Variants in BNC1 observed in about 807,000 individuals in gnomAD.
BNC1 encodes the protein zinc finger protein basonuclin-1.
Under a neutral mutation model 66.5 loss-of-function variants are expected in BNC1, and 8 were observed. That is an observed-to-expected ratio of 0.12 (90% CI 0.07 to 0.22). BNC1 has a LOEUF of 0.22. Ranked by LOEUF, BNC1 falls within the 10% of genes least tolerant of loss-of-function variation. The pLI is 1.00. For missense variants in BNC1, 1,069 were observed against 1,241.3 expected (o/e 0.86, Z 2.09); for synonymous variants, 454 against 452.6 (o/e 1.00, Z -0.04).
intron 1 of BNC1, among the ~76,000 whole-genome samples, chr15:83,279,766 C>A (rs892688925): frequency 1.3e-5 from 2 of 152,124 alleles, no homozygotes; most frequent in African/African-American, 4.8e-5. Flanking sequence ...GCCTCAGAAA[C>A]CAGGTAGTCA....
chr15:83,261,263 A>G (rs1316444772), intron 4 of BNC1, among the ~76,000 whole-genome samples: 2 of 152,234 alleles, frequency 1.3e-5, no homozygotes, highest in Non-Finnish European at 2.9e-5. Flanking sequence ...ACATCCTATC[A>G]GTAGAAACAC....
At chr15:83,273,331 A>G (rs2038286969) in intron 1 of BNC1, among the ~76,000 whole-genome samples, 1 of 152,246 alleles carries the variant, frequency 6.6e-6, no homozygotes, top group African/African-American at 2.4e-5. Flanking sequence ...AGATAAATGA[A>G]AACTTCTAAA....
chr15:83,277,885 T>C (rs1382975673), intron 1 of BNC1, among the ~76,000 whole-genome samples: 1 of 152,214 alleles, frequency 6.6e-6, no homozygotes, highest in Non-Finnish European at 1.5e-5. Flanking sequence ...TTGGAGCTAC[T>C]TTGCCTCTGC....
chr15:83,271,284 T>C (rs72758348), intron 1 of BNC1, among the ~76,000 whole-genome samples: 10,810 of 152,208 alleles, frequency 0.071, 528 homozygotes, highest in Admixed American at 0.13. Context: ...CCTGCTTAAA[T>C]ACAGGTTAAA....
At chr15:83,262,382 T>C (rs1325813243) in intron 4 of BNC1, among the ~76,000 whole-genome samples, 1 of 152,182 alleles carries the variant, frequency 6.6e-6, no homozygotes, top group African/African-American at 2.4e-5. Context: ...CACACCCTTG[T>C]GGCCGGATGT....
intron 1 of BNC1, among the ~76,000 whole-genome samples, chr15:83,271,332 G>A (rs2038267602): frequency 6.6e-6 from 1 of 152,152 alleles, no homozygotes; most frequent in African/African-American, 2.4e-5. Context: ...ATTTATTTTG[G>A]ACTAGAATGG....
chr15:83,272,088 A>G (rs2151438234), intron 1 of BNC1, among the ~76,000 whole-genome samples: 1 of 152,364 alleles, frequency 6.6e-6, no homozygotes, highest in East Asian at 1.9e-4. Flanking sequence ...TACATTCTCA[A>G]TAGCACCAGT....
At chr15:83,284,498 AT>A (rs1267566078) in intron 1 of BNC1, 31 bp downstream of exon 1, 2 of 1,187,048 alleles carry the variant, frequency 1.7e-6, no homozygotes, top group African/African-American at 3.3e-5. Context: ...CGCACAGAGA[AT>A]CCCCGCGCCC....
intron 1 of BNC1, among the ~76,000 whole-genome samples, chr15:83,269,432 T>TGC (rs1314145723): frequency 6.6e-6 from 1 of 151,614 alleles, no homozygotes; most frequent in African/African-American, 2.4e-5. Flanking sequence ...GAAGTGCGTG[T>TGC]GTGTGTGTGT....
At chr15:83,268,322 G>A (rs886576381) in intron 1 of BNC1, 90 bp from the exon 2 acceptor site, 10 of 1,212,618 alleles carry the variant, frequency 8.2e-6, no homozygotes, top group Admixed American at 1.9e-5. Flanking sequence ...TCCTCCATTC[G>A]GCAGCACTTA....
rs1201791710 is a variant in BNC1, at chr15:83,257,515, C to T, written c.2912G>A (p.Arg971His). The T allele has an allele frequency of 1.9e-6, 3 of 1,614,098 alleles. No individual in the cohort carries two copies. The highest frequency in any genetic ancestry group is 2.2e-5 in the East Asian group (1 of 44,876). ...PGCNTMFSSV[R>H]SRNRHSQNPN... ...ATTCTGGCTGTGTCTGTTTCGACTGCGAACAGACGAAAACATGGTGTTGCA... is the reference window on the plus strand; with the variant it reads ...ATTCTGGCTGTGTCTGTTTCGACTGTGAACAGACGAAAACATGGTGTTGCA... The change falls in exon 5 of 5, where the codon CGC becomes CAC. Residue 971 changes from arginine to histidine, a missense_variant. This residue lies in a region of BNC1 where 657 missense variants were observed against 715.8 expected (regional missense o/e 0.92). Coordinates refer to ENST00000345382, the MANE Select transcript of BNC1 (RefSeq NM_001717.4).
intron 1 of BNC1, among the ~76,000 whole-genome samples, chr15:83,269,970 G>A (rs1036181101): frequency 1.3e-5 from 2 of 152,186 alleles, no homozygotes; most frequent in African/African-American, 4.8e-5. Context: ...GAGAAGCCAG[G>A]CACAAAAGTC....
intron 1 of BNC1, among the ~76,000 whole-genome samples, chr15:83,277,123 A>G (rs1341440870): frequency 1.3e-5 from 2 of 152,232 alleles, no homozygotes; most frequent in Non-Finnish European, 2.9e-5. Flanking sequence ...TCTGTCACCC[A>G]GGCTGGAGGA....
intron 1 of BNC1, among the ~76,000 whole-genome samples, chr15:83,275,445 G>A (rs1284182764): frequency 2.1e-5 from 3 of 145,052 alleles, no homozygotes; most frequent in African/African-American, 7.8e-5. Context: ...GCAGTGAGAC[G>A]AGATTGTGCC....
chr15:83,275,625 T>C (rs1226340453), intron 1 of BNC1, among the ~76,000 whole-genome samples: 3 of 152,068 alleles, frequency 2.0e-5, no homozygotes, highest in African/African-American at 7.3e-5. Flanking sequence ...AACATGTGAA[T>C]TGAGTCCCAA....
At chr15:83,284,155 C>T (rs888437146) in intron 1 of BNC1, among the ~76,000 whole-genome samples, 2 of 151,966 alleles carry the variant, frequency 1.3e-5, no homozygotes, top group African/African-American at 4.8e-5. Flanking sequence ...CAAGTCCTAA[C>T]GTCCTGGGCT....
At chr15:83,280,896 C>T (rs532888399) in intron 1 of BNC1, among the ~76,000 whole-genome samples, 2 of 152,204 alleles carry the variant, frequency 1.3e-5, no homozygotes, top group African/African-American at 4.8e-5. Context: ...TGGACCTGAC[C>T]CTCACATTTT....
chr15:83,259,278 G>T (rs1232712258), intron 4 of BNC1, among the ~76,000 whole-genome samples: 1 of 152,138 alleles, frequency 6.6e-6, no homozygotes, highest in African/African-American at 2.4e-5. Flanking sequence ...AATCTTAAAG[G>T]TGATAGGAGA....
intron 1 of BNC1, among the ~76,000 whole-genome samples, chr15:83,282,680 G>T (rs2038391450): frequency 1.3e-5 from 2 of 152,096 alleles, no homozygotes; most frequent in African/African-American, 2.4e-5. Context: ...CTTATCAAGA[G>T]ATCCCATAAA....
Sources: gnomAD v4.1 joint callset for allele counts (sites outside exome capture counted in the v4.1 genomes callset) on GRCh38, gnomAD v4.1.1 for gene constraint, gnomAD v4.1.1 regional missense constraint, MANE v1.5 for transcripts, NCBI Gene and HGNC (gene_info 2026-07-23, HGNC 2026-07-21) for gene names.